Variants in GFRA1 observed in about 807,000 individuals in gnomAD.
The protein encoded by GFRA1 is GDNF family receptor alpha 1, also known as GDNF family receptor alpha-1.
In GFRA1, 16 loss-of-function variants were observed where a neutral mutation model predicts 51.6. The observed-to-expected ratio is 0.31, with a 90% confidence interval of 0.21 to 0.47. The LOEUF (loss-of-function observed/expected upper bound fraction) is 0.47, where lower values mean the gene tolerates loss of function less well. Ranked by LOEUF, GFRA1 falls within the 20% of genes least tolerant of loss-of-function variation. The pLI is 1.00. For synonymous variants in GFRA1, 270 were observed against 241.3 expected, an observed-to-expected ratio of 1.12 and a Z score of -1.10; for missense variants, 530 against 594.3, an observed-to-expected ratio of 0.89 and a Z score of 1.13.
chr10:116,105,201 T>C (rs1012515748), intron 6 of GFRA1, among the ~76,000 whole-genome samples: 3 of 152,256 alleles, frequency 2.0e-5, no homozygotes, highest in African/African-American at 7.2e-5. Flanking sequence ...TAACTGCAGG[T>C]GACAAATATG....
chr10:116,222,439 T>A (rs7916223), intron 4 of GFRA1, among the ~76,000 whole-genome samples: 131 of 152,274 alleles, frequency 8.6e-4, no homozygotes, highest in African/African-American at 3.0e-3. Flanking sequence ...CCTCAGGTGA[T>A]CCGCCCCCTT....
intron 5 of GFRA1, among the ~76,000 whole-genome samples, chr10:116,141,704 C>A (rs1284031247): frequency 2.0e-5 from 3 of 152,148 alleles, no homozygotes; most frequent in Non-Finnish European, 4.4e-5. Flanking sequence ...CTGCCTCAGC[C>A]TCCTGAGTAG....
chr10:116,173,654 G>T (rs543520995), intron 5 of GFRA1, among the ~76,000 whole-genome samples: 1 of 152,098 alleles, frequency 6.6e-6, no homozygotes, highest in Non-Finnish European at 1.5e-5. Context: ...TATTCTAAAC[G>T]GAGGCCTAGA....
At chr10:116,163,957 G>C (rs1357857395) in intron 5 of GFRA1, among the ~76,000 whole-genome samples, 1 of 152,172 alleles carries the variant, frequency 6.6e-6, no homozygotes, top group Admixed American at 6.5e-5. Context: ...GTCCTTGCTG[G>C]ACATGCTTCA....
At chr10:116,178,110 T>A (rs948000870) in intron 5 of GFRA1, among the ~76,000 whole-genome samples, 1 of 152,242 alleles carries the variant, frequency 6.6e-6, no homozygotes, top group African/African-American at 2.4e-5. Flanking sequence ...CAGAGGACAG[T>A]TCTGCCTGTC....
chr10:116,172,997 G>C (rs971877802), intron 5 of GFRA1, among the ~76,000 whole-genome samples: 1 of 152,168 alleles, frequency 6.6e-6, no homozygotes, highest in Non-Finnish European at 1.5e-5. Flanking sequence ...GGCTTCGAGC[G>C]GAGGTCTGCT....
At chr10:116,241,612 GAGGTTCATCTGGAACTGAT>G in intron 4 of GFRA1, among the ~76,000 whole-genome samples, 1 of 152,324 alleles carries the variant, frequency 6.6e-6, no homozygotes, top group Middle Eastern at 3.4e-3. Context: ...GCAGGAAACA[GAGGTTCATCTGGAACTGAT>G]AGGATGGTCA....
chr10:116,096,833 T>C, intron 6 of GFRA1, 69 bp from the exon 7 acceptor site: 1 of 827,480 alleles, frequency 1.2e-6, no homozygotes, highest in South Asian at 1.4e-5. Flanking sequence ...CGGACAGACA[T>C]GTTTTCTTTA....
intron 8 of GFRA1, 102 bp downstream of exon 8, chr10:116,093,600 C>A: frequency 9.9e-7 from 1 of 1,014,490 alleles, no homozygotes; most frequent in Admixed American, 1.7e-5. Flanking sequence ...GAGGTACAGG[C>A]ACAAGGTACA....
At chr10:116,117,557 G>GGATGGATGGATGGA (rs1555152575) in intron 6 of GFRA1, among the ~76,000 whole-genome samples, 24 of 97,436 alleles carry the variant, frequency 2.5e-4, no homozygotes, top group Admixed American at 5.5e-4. Context: ...GGGTGGGTGT[G>GGATGGATGGATGGA]TGGATGGATG....
intron 8 of GFRA1, among the ~76,000 whole-genome samples, chr10:116,090,618 G>A (rs1956294130): frequency 6.6e-6 from 1 of 151,994 alleles, no homozygotes; most frequent in African/African-American, 2.4e-5. Context: ...AATTTCATAG[G>A]ATTAGATTGT....
At position 116,154,550 on chromosome 10, in the gene GFRA1, T is replaced by C. The variant is rs114567673; in HGVS notation, c.434-28993A>G. ...CAGAAGGCAGAATGGTGGCTACCTT[T>C]GTGGGGAAAGTGACTAGAAGGAGTT... On this transcript the variant is annotated intron_variant, in intron 5 of 10. Coordinates refer to ENST00000355422, the MANE Select transcript of GFRA1 (RefSeq NM_005264.8). Among the ~76,000 whole-genome samples the C allele has an allele frequency of 8.0e-4, 122 of 152,258 alleles. 1 individual carries two copies. The highest frequency in any genetic ancestry group is 2.8e-3 in the African/African-American group (116 of 41,560).
intron 5 of GFRA1, among the ~76,000 whole-genome samples, chr10:116,205,194 G>A (rs1964635393): frequency 6.6e-6 from 1 of 152,180 alleles, no homozygotes. Flanking sequence ...TTTGGGGGCA[G>A]ATTCAGTGAG....
At chr10:116,157,572 T>TC (rs1321213174) in intron 5 of GFRA1, among the ~76,000 whole-genome samples, 1 of 152,180 alleles carries the variant, frequency 6.6e-6, no homozygotes, top group East Asian at 1.9e-4. Flanking sequence ...CTTGAACATC[T>TC]CCAAGTAATT....
At chr10:116,249,281 A>G (rs1240898688) in intron 4 of GFRA1, among the ~76,000 whole-genome samples, 3 of 152,160 alleles carry the variant, frequency 2.0e-5, no homozygotes, top group African/African-American at 7.2e-5. Flanking sequence ...GATGGTGTAC[A>G]TGAGGCTGTG....
Position 116,090,287 on chromosome 10 carries a change from T to TAAGAA in GFRA1, c.1016-366_1016-365insTTCTT, listed in dbSNP as rs1221627479. Among the ~76,000 whole-genome samples, 9 of 152,204 alleles carry TAAGAA rather than the reference T, an allele frequency of 5.9e-5. No individual in the cohort carries two copies. The East Asian group carries it at 1.7e-3, about 29-fold the overall frequency. On this transcript the variant is annotated intron_variant, in intron 8 of 10. Coordinates refer to ENST00000355422, the MANE Select transcript of GFRA1 (RefSeq NM_005264.8). ...TTACTTGGGATCATAACTGTCCCAT[T>TAAGAA]TTCCAAGAAAATTCTTGTGCTCTGT...
intron 4 of GFRA1, among the ~76,000 whole-genome samples, chr10:116,231,066 A>G (rs938389644): frequency 6.6e-6 from 1 of 152,198 alleles, no homozygotes; most frequent in Non-Finnish European, 1.5e-5. Flanking sequence ...TATTTAAAAA[A>G]CATTACTACA....
chr10:116,271,219 T>G (rs1199744960), intron 2 of GFRA1, 104 bp from the exon 3 acceptor site: 3 of 915,504 alleles, frequency 3.3e-6, no homozygotes, highest in Non-Finnish European at 4.9e-6. Context: ...TTGACCAGCC[T>G]TCGGGGGCGC....
chr10:116,255,465 A>G (rs1968753067), intron 4 of GFRA1, among the ~76,000 whole-genome samples: 1 of 151,156 alleles, frequency 6.6e-6, no homozygotes. Context: ...CAAACATTGC[A>G]TTTTTTTAAA....
Sources: allele counts gnomAD v4.1 joint callset (sites outside exome capture counted in the v4.1 genomes callset), GRCh38; gene constraint gnomAD v4.1.1; transcripts MANE v1.5; gene names NCBI Gene and HGNC (gene_info 2026-07-23, HGNC 2026-07-21).